Variants in SEMA5A observed in about 807,000 individuals in gnomAD.
SEMA5A encodes the protein semaphorin 5A, also known as semaphorin-5A.
Under a neutral mutation model 135.5 loss-of-function variants are expected in SEMA5A, and 55 were observed. The ratio of observed to expected loss-of-function variants is 0.41; its 90% CI spans 0.33 to 0.51. SEMA5A has a LOEUF of 0.51. Among genes scored for constraint, SEMA5A ranks in the 20% least tolerant of loss-of-function variants. The pLI, the probability that SEMA5A is intolerant of heterozygous loss-of-function variation, is 0.37. For synonymous variants in SEMA5A, 580 were observed against 546.5 expected (o/e 1.06, Z -0.85); for missense variants, 1,290 against 1,419.9 (o/e 0.91, Z 1.47).
chr5:9,073,027 C>CT (rs1737853590), intron 16 of SEMA5A, among the ~76,000 whole-genome samples: 2 of 152,104 alleles, frequency 1.3e-5, no homozygotes, highest in Non-Finnish European at 2.9e-5. Flanking sequence ...TTGCAACATG[C>CT]CAGCTGTAAC....
intron 12 of SEMA5A, among the ~76,000 whole-genome samples, chr5:9,142,111 G>C (rs1560956419): frequency 6.6e-6 from 1 of 152,176 alleles, no homozygotes; most frequent in Non-Finnish European, 1.5e-5. Flanking sequence ...GGTTAAGAAA[G>C]TAAATATTAA....
At chr5:9,201,726 T>C (rs1745713586) in intron 9 of SEMA5A, among the ~76,000 whole-genome samples, 1 of 152,220 alleles carries the variant, frequency 6.6e-6, no homozygotes, top group African/African-American at 2.4e-5. Context: ...TCCTAAAGAT[T>C]GACAAAAACT....
At chr5:9,146,397 C>T (rs557185754) in intron 12 of SEMA5A, among the ~76,000 whole-genome samples, 30 of 152,220 alleles carry the variant, frequency 2.0e-4, no homozygotes, top group African/African-American at 6.7e-4. Context: ...TCATAGGTGT[C>T]GCTTAATGGC....
intron 5 of SEMA5A, among the ~76,000 whole-genome samples, chr5:9,316,094 T>C (rs1357216275): frequency 6.6e-6 from 1 of 152,226 alleles, no homozygotes; most frequent in African/African-American, 2.4e-5. Context: ...CATCTACTCA[T>C]GGATTCTTAT....
chr5:9,191,635 A>C (rs1398914440), intron 10 of SEMA5A, among the ~76,000 whole-genome samples: 3 of 104 alleles, frequency 0.029, no homozygotes, highest in African/African-American at 0.062. Flanking sequence ...AAAGTAGATG[A>C]GATATTTGTA....
At chr5:9,476,606 C>T (rs986292578) in intron 1 of SEMA5A, among the ~76,000 whole-genome samples, 1 of 152,168 alleles carries the variant, frequency 6.6e-6, no homozygotes, top group African/African-American at 2.4e-5. Flanking sequence ...CCACCCTGGG[C>T]TCTGAATCTC....
At chr5:9,332,388 G>T (rs1006243021) in intron 4 of SEMA5A, among the ~76,000 whole-genome samples, 3 of 151,660 alleles carry the variant, frequency 2.0e-5, no homozygotes, top group African/African-American at 7.3e-5. Flanking sequence ...GCTATGGGTT[G>T]GTACTCACAT....
intron 1 of SEMA5A, among the ~76,000 whole-genome samples, chr5:9,502,582 C>T (rs1038679114): frequency 3.3e-5 from 5 of 151,988 alleles, no homozygotes; most frequent in Non-Finnish European, 5.9e-5. Context: ...GTTGCATGGG[C>T]TTCCTCAAGT....
At position 9,269,802 on chromosome 5, in the gene SEMA5A, A is replaced by T. The variant is rs145948803; in HGVS notation, c.271-31912T>A. ...TAAATCTGCATATGCAAAACATAAG[A>T]ATTAGTTCTAACACTCACTTCTGAG... On this transcript the variant is annotated intron_variant, in intron 5 of 22. Transcript: ENST00000382496. Among the ~76,000 whole-genome samples the T allele has an allele frequency of 1.2e-3, 181 of 152,218 alleles. 1 individual carries two copies. The highest frequency in any genetic ancestry group is 4.1e-3 in the African/African-American group (170 of 41,546).
At chr5:9,246,203 A>G (rs1457909915) in intron 5 of SEMA5A, among the ~76,000 whole-genome samples, 4 of 150,894 alleles carry the variant, frequency 2.7e-5, no homozygotes, top group Non-Finnish European at 5.9e-5. Flanking sequence ...GTGCATCGTC[A>G]AATTTGCAAG....
intron 13 of SEMA5A, among the ~76,000 whole-genome samples, chr5:9,125,717 C>G (rs942146214): frequency 6.6e-6 from 1 of 152,108 alleles, no homozygotes; most frequent in Non-Finnish European, 1.5e-5. Context: ...AGTGCCTACT[C>G]TGATCATGAG....
intron 13 of SEMA5A, among the ~76,000 whole-genome samples, chr5:9,132,873 TC>T (rs1741512339): frequency 6.6e-6 from 1 of 152,190 alleles, no homozygotes; most frequent in African/African-American, 2.4e-5. Flanking sequence ...CATTCAAAAA[TC>T]CCTCAGCTTA....
At chr5:9,194,626 C>T (rs1294181617) in intron 10 of SEMA5A, among the ~76,000 whole-genome samples, 1 of 152,174 alleles carries the variant, frequency 6.6e-6, no homozygotes, top group African/African-American at 2.4e-5. Context: ...ATAAAGAAAA[C>T]ACTTGCTGTG....
intron 1 of SEMA5A, chr5:9,518,151 CATA>C (rs1736629052): frequency 1.3e-5 from 2 of 152,114 alleles, no homozygotes; most frequent in South Asian, 2.1e-4. Context: ...CTGCAGAAGA[CATA>C]ATGTGAGTGC....
intron 1 of SEMA5A, among the ~76,000 whole-genome samples, chr5:9,533,998 C>T (rs760458808): frequency 2.0e-5 from 3 of 152,290 alleles, no homozygotes; most frequent in East Asian, 1.9e-4. Context: ...CACCAGCACT[C>T]ACCTGAAGAG....
At chr5:9,116,987 G>A (rs977751698) in intron 15 of SEMA5A, among the ~76,000 whole-genome samples, 2 of 152,162 alleles carry the variant, frequency 1.3e-5, no homozygotes, top group Admixed American at 6.5e-5. Context: ...CAATAGAAAA[G>A]CTTAAATTCT....
chr5:9,384,563 G>GATAC (rs1321886500), intron 2 of SEMA5A, among the ~76,000 whole-genome samples: 26 of 115,392 alleles, frequency 2.3e-4, no homozygotes, highest in South Asian at 5.7e-4. Context: ...TAGATAGATA[G>GATAC]ATAGATACAT....
chr5:9,456,776 T>C (rs1410418361), intron 1 of SEMA5A, among the ~76,000 whole-genome samples: 1 of 152,216 alleles, frequency 6.6e-6, no homozygotes, highest in African/African-American at 2.4e-5. Flanking sequence ...CAAGAAGCAC[T>C]GGCTCTCAGC....
At chr5:9,528,440 A>G (rs906629483) in intron 1 of SEMA5A, among the ~76,000 whole-genome samples, 2 of 152,210 alleles carry the variant, frequency 1.3e-5, no homozygotes, top group Admixed American at 6.5e-5. Flanking sequence ...CTCCCCACCC[A>G]CAAATTCTTC....
Sources: allele counts gnomAD v4.1 joint callset (sites outside exome capture counted in the v4.1 genomes callset), GRCh38; gene constraint gnomAD v4.1.1; transcripts MANE v1.5; gene names NCBI Gene and HGNC (gene_info 2026-07-23, HGNC 2026-07-21).